The following TLE4 variants were observed in gnomAD, a reference collection of about 807,000 sequenced individuals.
TLE4 encodes TLE family member 4, transcriptional corepressor.
TLE4 carries 8 observed loss-of-function variants against 92.8 expected under a neutral mutation model. The observed-to-expected ratio is 0.09, with a 90% CI of 0.05 to 0.16. TLE4 has a LOEUF of 0.16. TLE4 is among the 10% of genes least tolerant of loss of function. TLE4 has a pLI of 1.00. For missense variants in TLE4, 675 were observed against 997.6 expected, an observed-to-expected ratio of 0.68 and a Z score of 4.36; for synonymous variants, 371 against 374.1, an observed-to-expected ratio of 0.99 and a Z score of 0.10.
At chr9:79,604,388 C>G (rs1327969694) in intron 4 of TLE4, among the ~76,000 whole-genome samples, 2 of 152,084 alleles carry the variant, frequency 1.3e-5, no homozygotes, top group African/African-American at 4.8e-5. Context: ...AGAGTGGTAT[C>G]TCAGTAAACA....
intron 6 of TLE4, among the ~76,000 whole-genome samples, chr9:79,640,622 G>A (rs920201277): frequency 6.6e-6 from 1 of 151,754 alleles, no homozygotes; most frequent in African/African-American, 2.4e-5. Flanking sequence ...TCACTCTGCC[G>A]TCTTCCATAA....
intron 8 of TLE4, among the ~76,000 whole-genome samples, chr9:79,689,986 G>A (rs2066718765): frequency 6.6e-6 from 1 of 152,130 alleles, no homozygotes; most frequent in Non-Finnish European, 1.5e-5. Flanking sequence ...CTCCACAGGT[G>A]ATTCTTATCC....
In TLE4 at chr9:79,724,126, A is replaced by G. The variant is rs954313425; in HGVS notation, c.2215-911A>G. ...TCTCGCAAATTTGTGTCACATTTTT[A>G]CAGTGGGAACATTAGGCTTTTTACT... On this transcript the variant is annotated intron_variant, in intron 19 of 19. Transcript: ENST00000376552. Among the ~76,000 whole-genome samples the G allele has an allele frequency of 2.0e-5, 3 of 151,946 alleles. No homozygotes were observed. The South Asian group carries it at 6.2e-4, about 32-fold the overall frequency.
At chr9:79,631,444 A>G (rs1358842964) in intron 6 of TLE4, among the ~76,000 whole-genome samples, 1 of 152,230 alleles carries the variant, frequency 6.6e-6, no homozygotes, top group Non-Finnish European at 1.5e-5. Context: ...GGATTGGAGC[A>G]GCACTATTAA....
intron 8 of TLE4, among the ~76,000 whole-genome samples, chr9:79,695,902 A>C (rs904111407): frequency 1.3e-5 from 2 of 152,200 alleles, no homozygotes; most frequent in African/African-American, 4.8e-5. Flanking sequence ...CTGAGAAGGA[A>C]ATTTTCAGAT....
chr9:79,719,995 G>T (rs568730536), intron 15 of TLE4, 51 bp from the exon 16 acceptor site: 24 of 1,556,386 alleles, frequency 1.5e-5, no homozygotes, highest in Non-Finnish European at 2.1e-5. Context: ...TCATGTTAAT[G>T]CTGTTTTCCT....
intron 6 of TLE4, among the ~76,000 whole-genome samples, chr9:79,645,043 G>T (rs1178716317): frequency 6.6e-6 from 1 of 152,134 alleles, no homozygotes; most frequent in African/African-American, 2.4e-5. Flanking sequence ...CTCCATTCCT[G>T]AAAATGTTTT....
intron 1 of TLE4, 35 bp downstream of exon 1, chr9:79,572,870 T>C (rs1158815108): frequency 6.3e-7 from 1 of 1,578,682 alleles, no homozygotes; most frequent in Non-Finnish European, 8.6e-7. Flanking sequence ...GCTCGCCGGG[T>C]GCTGGGGGAT....
At chr9:79,697,559 G>T (rs1363321106) in intron 8 of TLE4, among the ~76,000 whole-genome samples, 1 of 151,994 alleles carries the variant, frequency 6.6e-6, no homozygotes, top group Non-Finnish European at 1.5e-5. Context: ...TCATGTCCCA[G>T]CAGCTCAGTT....
chr9:79,578,224 G>A (rs1587620857), intron 4 of TLE4, among the ~76,000 whole-genome samples: 1 of 152,162 alleles, frequency 6.6e-6, no homozygotes, highest in Admixed American at 6.5e-5. Flanking sequence ...AATAATGCAG[G>A]GAAGTTGCCC....
intron 8 of TLE4, among the ~76,000 whole-genome samples, chr9:79,660,342 A>T (rs2060351187): frequency 2.0e-5 from 3 of 152,158 alleles, no homozygotes; most frequent in African/African-American, 7.2e-5. Flanking sequence ...AAAATCTTAT[A>T]CCATAGGTTA....
At chr9:79,683,037 A>G (rs538695870) in intron 8 of TLE4, among the ~76,000 whole-genome samples, 24 of 152,248 alleles carry the variant, frequency 1.6e-4, no homozygotes, top group Non-Finnish European at 2.8e-4. Context: ...TAGTTTTTAC[A>G]TCTTTGACAG....
chr9:79,573,901 T>A, intron 2 of TLE4, 115 bp downstream of exon 2: 1 of 688,166 alleles, frequency 1.5e-6, no homozygotes. Flanking sequence ...AAGGTATTAT[T>A]TTTTTTTCTC....
intron 4 of TLE4, among the ~76,000 whole-genome samples, chr9:79,597,461 G>T (rs1213654551): frequency 6.6e-6 from 1 of 152,058 alleles, no homozygotes; most frequent in Non-Finnish European, 1.5e-5. Flanking sequence ...CTGAGTAGAT[G>T]AATCTCAGGG....
At chr9:79,704,487 A>G (rs182551298) in intron 8 of TLE4, among the ~76,000 whole-genome samples, 6 of 152,316 alleles carry the variant, frequency 3.9e-5, no homozygotes, top group Admixed American at 3.9e-4. Flanking sequence ...TTTTGAGTTT[A>G]CACTAATTCC....
chr9:79,703,077 A>C (rs891409646), intron 8 of TLE4, among the ~76,000 whole-genome samples: 1 of 152,134 alleles, frequency 6.6e-6, no homozygotes, highest in Non-Finnish European at 1.5e-5. Context: ...AAACCCGTTC[A>C]AAGAGTTAGT....
intron 14 of TLE4, among the ~76,000 whole-genome samples, chr9:79,712,582 T>A (rs1242523450): frequency 1.3e-5 from 2 of 152,248 alleles, no homozygotes; most frequent in Non-Finnish European, 2.9e-5. Flanking sequence ...TCTGTTCTAA[T>A]TATTTCACAC....
chr9:79,668,879 C>T lies in TLE4; in HGVS notation c.609+14804C>T, dbSNP rs149171500. The T allele has an allele frequency of 8.8e-5, 85 of 970,320 alleles. No homozygotes were observed. In the East Asian group the frequency reaches 7.7e-3, roughly 87 times the overall value. The allele number at this position is 970,320 out of a possible 1,614,324, so 60.1% of individuals were successfully genotyped here. ...GGTATTTTTAGTGAAATAGCAAAAG[C>T]ATGTCAACAATGTAGCTGCAGATGA... is the stretch of plus-strand genomic sequence containing the variant. On this transcript the variant is annotated intron_variant, in intron 8 of 19. Coordinates refer to ENST00000376552, the MANE Select transcript of TLE4 (RefSeq NM_007005.6).
chr9:79,709,725 C>T (rs1308950925), intron 14 of TLE4, 26 bp downstream of exon 14: 1 of 1,608,282 alleles, frequency 6.2e-7, no homozygotes, highest in Admixed American at 1.7e-5. Context: ...CCTCTGTGCT[C>T]ATTGTGTGTC....
Sources: gnomAD v4.1 joint callset for allele counts (sites outside exome capture counted in the v4.1 genomes callset) on GRCh38, gnomAD v4.1.1 for gene constraint, MANE v1.5 for transcripts, NCBI Gene and HGNC (gene_info 2026-07-23, HGNC 2026-07-21) for gene names.